MAPKAP1: variants seen among roughly 807,000 people sequenced by gnomAD.
The protein encoded by MAPKAP1 is target of rapamycin complex 2 subunit MAPKAP1.
MAPKAP1 carries 20 observed loss-of-function variants against 65.7 expected under a neutral mutation model. That is an observed-to-expected ratio of 0.30 (90% CI 0.21 to 0.44). The LOEUF (loss-of-function observed/expected upper bound fraction) is 0.44. Ranked by LOEUF, MAPKAP1 falls within the 20% of genes least tolerant of loss-of-function variation. The pLI is 1.00. For missense variants in MAPKAP1, 423 were observed against 648.0 expected (o/e 0.65, Z 3.77); for synonymous variants, 222 against 244.3 (o/e 0.91, Z 0.85).
At chr9:125,543,450 T>C (rs1209604732) in intron 6 of MAPKAP1, among the ~76,000 whole-genome samples, 1 of 151,598 alleles carries the variant, frequency 6.6e-6, no homozygotes, top group Non-Finnish European at 1.5e-5. Flanking sequence ...GTATTTTTTT[T>C]TTTTTTTAGT....
intron 4 of MAPKAP1, among the ~76,000 whole-genome samples, chr9:125,654,842 T>C (rs1215169982): frequency 6.6e-6 from 1 of 152,192 alleles, no homozygotes; most frequent in Non-Finnish European, 1.5e-5. Flanking sequence ...TCTTCAGATC[T>C]AACACTAGTT....
intron 9 of MAPKAP1, among the ~76,000 whole-genome samples, chr9:125,483,279 T>C (rs79794619): frequency 1.5e-3 from 224 of 152,314 alleles, no homozygotes; most frequent in African/African-American, 5.2e-3. Context: ...TGGCTGTCTA[T>C]TGATAGAGCA....
intron 3 of MAPKAP1, among the ~76,000 whole-genome samples, chr9:125,660,983 G>GA (rs1273330256): frequency 6.6e-6 from 1 of 152,062 alleles, no homozygotes; most frequent in Admixed American, 6.6e-5. Context: ...GATAAATTAG[G>GA]AAAGAATAAA....
In MAPKAP1 at chr9:125,465,879, T is replaced by A. The variant is rs567655417; in HGVS notation, c.1345+2093A>T. ...CAGGCTGAGTACGGGGAGGTGGAAA[T>A]GTTTGTAAGTTAGAGAGGGGGTCAG... On this transcript the variant is annotated intron_variant, in intron 10 of 11. Transcript: ENST00000265960. Among the ~76,000 whole-genome samples the A allele has an allele frequency of 2.6e-4, 40 of 151,672 alleles. 1 individual carries two copies. In the South Asian group the frequency reaches 7.9e-3, roughly 30 times the overall value.
chr9:125,693,741 G>A (rs1024344940), intron 1 of MAPKAP1, among the ~76,000 whole-genome samples: 32 of 113,274 alleles, frequency 2.8e-4, no homozygotes, highest in Admixed American at 1.4e-3. Flanking sequence ...ATATATACAC[G>A]TATATATACA....
intron 9 of MAPKAP1, among the ~76,000 whole-genome samples, chr9:125,473,787 A>G (rs1854010138): frequency 6.6e-6 from 1 of 152,214 alleles, no homozygotes; most frequent in South Asian, 2.1e-4. Context: ...AGGCACTATT[A>G]GCCTATCTTA....
intron 1 of MAPKAP1, among the ~76,000 whole-genome samples, chr9:125,678,228 TTTTTA>T (rs1013274593): frequency 5.9e-4 from 89 of 151,834 alleles, no homozygotes; most frequent in African/African-American, 1.8e-3. Context: ...AACACAGGCA[TTTTTA>T]TTTTATTTTA....
intron 7 of MAPKAP1, among the ~76,000 whole-genome samples, chr9:125,531,742 C>A (rs1321849280): frequency 6.6e-6 from 1 of 152,076 alleles, no homozygotes; most frequent in Non-Finnish European, 1.5e-5. Context: ...ATCACCTAGA[C>A]CTATAGTCAA....
At chr9:125,614,620 C>T (rs903363576) in intron 4 of MAPKAP1, among the ~76,000 whole-genome samples, 13 of 151,818 alleles carry the variant, frequency 8.6e-5, no homozygotes, top group Middle Eastern at 3.4e-3. Context: ...AGTGAGACTC[C>T]GTCTCAAAAT....
At chr9:125,640,252 C>T (rs59063749) in intron 4 of MAPKAP1, among the ~76,000 whole-genome samples, 4 of 152,190 alleles carry the variant, frequency 2.6e-5, no homozygotes, top group East Asian at 1.9e-4. Context: ...TACAGGTGCC[C>T]GCCACCACGC....
intron 10 of MAPKAP1, among the ~76,000 whole-genome samples, chr9:125,463,910 AC>A (rs1183878808): frequency 1.3e-5 from 2 of 152,118 alleles, no homozygotes; most frequent in African/African-American, 4.8e-5. Context: ...AACCTGCACA[AC>A]CTTCTTATGA....
Position 125,606,933 on chromosome 9 carries a change from C to T in MAPKAP1, c.499-21206G>A, listed in dbSNP as rs149531032. Among the ~76,000 whole-genome samples, 632 of 152,234 alleles carry T rather than the reference C, an allele frequency of 4.2e-3. 6 individuals are homozygous for T. Among genetic ancestry groups the T allele is most frequent in the African/African-American group, 0.015 (605 of 41,530 alleles). On this transcript the variant is annotated intron_variant, in intron 4 of 11. Transcript: ENST00000265960. Reference sequence around the variant, plus strand: ...GTAGAAAGTGGAAAGCAAATAAATGCGCTTTGGATTGGAGAGACCTAGGTC... The same window carrying T: ...GTAGAAAGTGGAAAGCAAATAAATGTGCTTTGGATTGGAGAGACCTAGGTC...
intron 4 of MAPKAP1, among the ~76,000 whole-genome samples, chr9:125,620,571 G>A (rs1408012402): frequency 1.3e-5 from 2 of 152,134 alleles, no homozygotes; most frequent in East Asian, 1.9e-4. Flanking sequence ...TCACCACAGC[G>A]TTGTTTGTAA....
chr9:125,704,538 T>G (rs1461763221), intron 1 of MAPKAP1, among the ~76,000 whole-genome samples: 1 of 152,216 alleles, frequency 6.6e-6, no homozygotes, highest in East Asian at 1.9e-4. Flanking sequence ...ATTTTACTTC[T>G]TTTTGTATCC....
At position 125,483,729 on chromosome 9, in the gene MAPKAP1, G is replaced by C. The variant is rs531415700; in HGVS notation, c.1207+714C>G. ...ACTGTGTGAGTTGGGCATGAGACTT[G>C]ACTGCTCTGTACCTCATTTACCCCC... On this transcript the variant is annotated intron_variant, in intron 9 of 11. Transcript: ENST00000265960. Among the ~76,000 whole-genome samples, 15 of 152,294 alleles carry C rather than the reference G, an allele frequency of 9.8e-5. No individual in the cohort carries two copies. The East Asian group carries it at 2.7e-3, about 27-fold the overall frequency.
chr9:125,479,049 T>C (rs973417525), intron 9 of MAPKAP1, among the ~76,000 whole-genome samples: 2 of 152,140 alleles, frequency 1.3e-5, no homozygotes, highest in African/African-American at 4.8e-5. Flanking sequence ...ACTTACTAGA[T>C]TTTTCCTACA....
At chr9:125,554,794 C>CA (rs56911891) in intron 6 of MAPKAP1, among the ~76,000 whole-genome samples, 8,508 of 65,090 alleles carry the variant, frequency 0.13, 1,072 homozygotes, top group African/African-American at 0.34. Context: ...AGACACTTAT[C>CA]AAAAAAAAAA....
chr9:125,513,135 C>G (rs901943484), intron 7 of MAPKAP1: 10 of 152,424 alleles, frequency 6.6e-5, no homozygotes, highest in African/African-American at 2.4e-4. Flanking sequence ...CCCAGAAATC[C>G]TGGACTCAAG....
At chr9:125,442,753 C>T (rs1473735037) in intron 11 of MAPKAP1, among the ~76,000 whole-genome samples, 1 of 152,222 alleles carries the variant, frequency 6.6e-6, no homozygotes, top group Non-Finnish European at 1.5e-5. Flanking sequence ...CTCTCCCTTT[C>T]ATCCAGCTAA....
Sources: allele counts gnomAD v4.1 joint callset (sites outside exome capture counted in the v4.1 genomes callset), GRCh38; gene constraint gnomAD v4.1.1; transcripts MANE v1.5; gene names NCBI Gene and HGNC (gene_info 2026-07-23, HGNC 2026-07-21).